Variants in TRPM8 observed in about 807,000 individuals in gnomAD.
TRPM8 encodes TRPM8 cationic channel.
In TRPM8, 110 loss-of-function variants were observed where a neutral mutation model predicts 133.7. The ratio of observed to expected loss-of-function variants is 0.82; its 90% CI spans 0.70 to 0.96. The LOEUF is 0.96. Ranked by LOEUF, TRPM8 falls within the 40% of genes least tolerant of loss-of-function variation. TRPM8 has a pLI of 0.00. For synonymous variants in TRPM8, 535 were observed against 532.3 expected (o/e 1.01, Z -0.07); for missense variants, 1,291 against 1,379.5 (o/e 0.94, Z 1.02).
At chr2:233,940,878 G>A (rs1001566347) in intron 5 of TRPM8, among the ~76,000 whole-genome samples, 6 of 152,188 alleles carry the variant, frequency 3.9e-5, no homozygotes, top group African/African-American at 7.2e-5. Context: ...GTTCTATGGC[G>A]TGGGGAAAGG....
intron 24 of TRPM8, among the ~76,000 whole-genome samples, chr2:234,008,819 G>T (rs934802282): frequency 6.6e-6 from 1 of 152,120 alleles, no homozygotes; most frequent in African/African-American, 2.4e-5. Flanking sequence ...AATGTTTATT[G>T]AATGAATAAA....
chr2:233,995,087 G>A (rs554874519), intron 21 of TRPM8, among the ~76,000 whole-genome samples: 147 of 152,282 alleles, frequency 9.7e-4, no homozygotes, highest in Non-Finnish European at 1.5e-3. Context: ...ATGTAGCAGC[G>A]AAACAAATAG....
chr2:233,990,888 G>A (rs1437381115), intron 21 of TRPM8, among the ~76,000 whole-genome samples: 4 of 152,144 alleles, frequency 2.6e-5, no homozygotes, highest in African/African-American at 9.7e-5. Flanking sequence ...GATATTAAGG[G>A]AAGAGATGAC....
At chr2:234,003,162 T>C (rs1692611789) in intron 22 of TRPM8, among the ~76,000 whole-genome samples, 1 of 152,186 alleles carries the variant, frequency 6.6e-6, no homozygotes, top group Non-Finnish European at 1.5e-5. Context: ...TTCTGTGCTC[T>C]CCCTATAGCT....
intron 3 of TRPM8, among the ~76,000 whole-genome samples, chr2:233,933,139 A>C (rs1235353983): frequency 6.6e-6 from 1 of 151,972 alleles, no homozygotes; most frequent in African/African-American, 2.4e-5. Context: ...GTTTTGCTCT[A>C]GTCACTTCTC....
chr2:233,997,515 G>A (rs1340710111), intron 22 of TRPM8, among the ~76,000 whole-genome samples: 1 of 152,136 alleles, frequency 6.6e-6, no homozygotes, highest in Non-Finnish European at 1.5e-5. Context: ...TTTTCTTAGT[G>A]ATGCTGTTCT....
intron 17 of TRPM8, among the ~76,000 whole-genome samples, chr2:233,974,883 G>GAC (rs1691828640): frequency 6.6e-6 from 1 of 151,444 alleles, no homozygotes; most frequent in Non-Finnish European, 1.5e-5. Flanking sequence ...GAGAGAGAGA[G>GAC]AGACAGAGAG....
At chr2:233,942,254 A>G (rs1430933598) in intron 5 of TRPM8, among the ~76,000 whole-genome samples, 1 of 151,630 alleles carries the variant, frequency 6.6e-6, no homozygotes, top group East Asian at 1.9e-4. Flanking sequence ...TAATTTTTGT[A>G]TTTTTAGTAG....
chr2:233,920,753 C>T (rs1205322421), intron 1 of TRPM8, among the ~76,000 whole-genome samples: 1 of 152,140 alleles, frequency 6.6e-6, no homozygotes, highest in African/African-American at 2.4e-5. Flanking sequence ...GTGTACTCTT[C>T]ACCCAGTTCC....
intron 22 of TRPM8, among the ~76,000 whole-genome samples, chr2:234,004,919 A>G (rs1692655876): frequency 6.6e-6 from 1 of 152,176 alleles, no homozygotes; most frequent in Non-Finnish European, 1.5e-5. Flanking sequence ...TCCACAAATA[A>G]CCATCTAATC....
chr2:233,965,742 T>C (rs1691551088), intron 14 of TRPM8, among the ~76,000 whole-genome samples: 2 of 152,114 alleles, frequency 1.3e-5, no homozygotes, highest in Admixed American at 1.3e-4. Context: ...AGGCAATGGC[T>C]CCTAATAGTT....
intron 17 of TRPM8, among the ~76,000 whole-genome samples, chr2:233,978,669 A>C (rs1379858371): frequency 6.6e-6 from 1 of 152,228 alleles, no homozygotes; most frequent in African/African-American, 2.4e-5. Flanking sequence ...ATGATGGACC[A>C]CATCTTTTTC....
intron 5 of TRPM8, among the ~76,000 whole-genome samples, chr2:233,941,756 T>G (rs1161990360): frequency 1.3e-5 from 2 of 152,222 alleles, no homozygotes; most frequent in Non-Finnish European, 2.9e-5. Context: ...AATAAAACCC[T>G]GTATAACCCT....
chr2:233,974,079 G>A (rs758466266), intron 17 of TRPM8, among the ~76,000 whole-genome samples: 52 of 152,292 alleles, frequency 3.4e-4, no homozygotes, highest in South Asian at 1.0e-3. Context: ...GTGAGATTGG[G>A]GGTTTTGTAG....
Position 233,937,381 on chromosome 2 carries a change from C to G in TRPM8, c.220C>G (p.Gln74Glu). ...TENVCKCGYA[Q>E]SQHMEGTQIN... ...GAATGTGTGCAAGTGTGGCTATGCCCAGAGCCAGCACATGGAAGGCACCCA... is the reference window on the plus strand; with the variant it reads ...GAATGTGTGCAAGTGTGGCTATGCCGAGAGCCAGCACATGGAAGGCACCCA... Residue 74 changes from glutamine to glutamate, a missense_variant, in exon 4 of 26, where the codon CAG (glutamine) becomes GAG (glutamate). Gln to Glu is a conservative substitution (Grantham distance 29). This residue lies in a region of TRPM8 where 963 missense variants were observed against 968.9 expected (regional missense o/e 0.99). Transcript: ENST00000324695. The G allele has an allele frequency of 6.2e-7, 1 of 1,614,112 alleles. No homozygotes were observed. The highest frequency in any genetic ancestry group is 8.5e-7 in the Non-Finnish European group (1 of 1,180,016).
chr2:233,997,369 A>G (rs1012082607), intron 22 of TRPM8, among the ~76,000 whole-genome samples: 8 of 152,136 alleles, frequency 5.3e-5, no homozygotes, highest in Admixed American at 2.0e-4. Flanking sequence ...TCCCTGCCCC[A>G]TTCCCAGCTG....
chr2:234,009,071 A>G (rs979752621), intron 24 of TRPM8, among the ~76,000 whole-genome samples: 1 of 152,128 alleles, frequency 6.6e-6, no homozygotes, highest in Non-Finnish European at 1.5e-5. Flanking sequence ...CTGCCTGGGA[A>G]CTTGCTTGCC....
At position 233,969,822 on chromosome 2, in the gene TRPM8, A is replaced by C; in HGVS notation, c.2138+15A>C. On this transcript the variant is annotated intron_variant, in intron 16 of 25. Coordinates refer to ENST00000324695, the MANE Select transcript of TRPM8 (RefSeq NM_024080.5). Reference sequence around the variant, plus strand: ...GTATCATTTAGGTACAAACCAAGGCACATAATCGTGTGTGAGTGTGTGTGC... The same window carrying C: ...GTATCATTTAGGTACAAACCAAGGCCCATAATCGTGTGTGAGTGTGTGTGC... 5 of 1,521,784 alleles carry C rather than the reference A, an allele frequency of 3.3e-6. No homozygotes were observed. Among genetic ancestry groups the C allele is most frequent in the Non-Finnish European group, 4.6e-6 (5 of 1,096,032 alleles). 94.3% of individuals were successfully genotyped at this position (1,521,784 alleles called of 1,614,324 possible).
chr2:234,005,524 TG>T (rs1692671295), intron 22 of TRPM8, among the ~76,000 whole-genome samples: 1 of 152,162 alleles, frequency 6.6e-6, no homozygotes, highest in African/African-American at 2.4e-5. Flanking sequence ...ACTTCTTTGT[TG>T]GGAAAAATAC....
Sources: allele counts gnomAD v4.1 joint callset (sites outside exome capture counted in the v4.1 genomes callset), GRCh38; gene constraint gnomAD v4.1.1; regional missense constraint gnomAD v4.1.1; transcripts MANE v1.5; gene names NCBI Gene and HGNC (gene_info 2026-07-23, HGNC 2026-07-21).